The following TMTC2 variants were observed in gnomAD, a reference collection of about 807,000 sequenced individuals.
TMTC2 encodes protein O-mannosyl-transferase TMTC2.
A neutral mutation model predicts 82.4 loss-of-function variants in TMTC2; 43 were observed. The ratio of observed to expected loss-of-function variants is 0.52; its 90% CI spans 0.41 to 0.67. The LOEUF (loss-of-function observed/expected upper bound fraction) is 0.67. Among genes scored for constraint, TMTC2 ranks in the 30% least tolerant of loss-of-function variants. The pLI is 0.00. For synonymous variants in TMTC2, 408 were observed against 381.9 expected (o/e 1.07, Z -0.80); for missense variants, 919 against 1,012.4 (o/e 0.91, Z 1.25).
At chr12:82,997,175 TCCCAC>T (rs1222307524) in intron 8 of TMTC2, among the ~76,000 whole-genome samples, 1 of 114,510 alleles carries the variant, frequency 8.7e-6, no homozygotes, top group Non-Finnish European at 1.7e-5. Context: ...TCTCTCTCTC[TCCCAC>T]CCCTCCCCCT....
intron 11 of TMTC2, among the ~76,000 whole-genome samples, chr12:83,092,990 G>T (rs938050563): frequency 2.0e-5 from 3 of 152,220 alleles, no homozygotes; most frequent in Non-Finnish European, 4.4e-5. Context: ...ATATCACTGT[G>T]TGTCAAAGGG....
chr12:82,937,785 T>TAC (rs1876452005), intron 4 of TMTC2, among the ~76,000 whole-genome samples: 3 of 24,062 alleles, frequency 1.2e-4, no homozygotes, highest in Non-Finnish European at 1.8e-4. Context: ...TATATATATA[T>TAC]ATATATATAT....
At chr12:83,055,160 C>T (rs946130566) in intron 10 of TMTC2, among the ~76,000 whole-genome samples, 3 of 152,002 alleles carry the variant, frequency 2.0e-5, no homozygotes, top group Admixed American at 1.3e-4. Context: ...CTAGCTGCTT[C>T]CCATTATGCT....
intron 8 of TMTC2, among the ~76,000 whole-genome samples, chr12:82,999,045 T>C (rs1879799025): frequency 6.6e-6 from 1 of 152,170 alleles, no homozygotes; most frequent in African/African-American, 2.4e-5. Flanking sequence ...ATAGATATAT[T>C]GTTATCAACT....
At chr12:82,835,706 T>A (rs1869996594) in intron 1 of TMTC2, among the ~76,000 whole-genome samples, 1 of 152,192 alleles carries the variant, frequency 6.6e-6, no homozygotes, top group African/African-American at 2.4e-5. Flanking sequence ...AAATTATCGG[T>A]CACTTGTTGG....
At chr12:83,069,103 G>A (rs1200535794) in intron 11 of TMTC2, among the ~76,000 whole-genome samples, 1 of 152,014 alleles carries the variant, frequency 6.6e-6, no homozygotes, top group African/African-American at 2.4e-5. Context: ...TTATCCACTC[G>A]TTGATTGATG....
intron 11 of TMTC2, among the ~76,000 whole-genome samples, chr12:83,082,502 A>T (rs555046175): frequency 1.3e-5 from 2 of 152,352 alleles, no homozygotes; most frequent in South Asian, 4.1e-4. Flanking sequence ...AGAGAGTTAT[A>T]CTATCCTTGA....
chr12:82,805,483 C>T (rs1360921058), intron 1 of TMTC2, among the ~76,000 whole-genome samples: 2 of 142,664 alleles, frequency 1.4e-5, no homozygotes, highest in Admixed American at 1.4e-4. Context: ...AGTAAGTTTA[C>T]TCTCCTCTCC....
intron 3 of TMTC2, among the ~76,000 whole-genome samples, chr12:82,928,260 G>T (rs1875834320): frequency 6.6e-6 from 1 of 151,950 alleles, no homozygotes; most frequent in African/African-American, 2.4e-5. Context: ...ATTTCTCAGA[G>T]AGATTCCAAT....
At chr12:82,732,344 T>C (rs80148108) in intron 1 of TMTC2, among the ~76,000 whole-genome samples, 4,011 of 152,098 alleles carry the variant, frequency 0.026, 81 homozygotes, top group Non-Finnish European at 0.036. Flanking sequence ...TTGGTTCTCA[T>C]CATGTTTTTT....
intron 1 of TMTC2, among the ~76,000 whole-genome samples, chr12:82,798,338 G>C (rs1429525269): frequency 6.6e-6 from 1 of 150,562 alleles, no homozygotes; most frequent in Admixed American, 6.6e-5. Context: ...TTGGGAGGCC[G>C]AGGCCGGTGG....
chr12:83,047,484 T>A (rs182710180), intron 9 of TMTC2, among the ~76,000 whole-genome samples: 2 of 152,354 alleles, frequency 1.3e-5, no homozygotes, highest in African/African-American at 4.8e-5. Context: ...TCAAATTCAG[T>A]TTAAAAAATA....
chr12:82,716,508 C>T (rs1475369717), intron 1 of TMTC2, among the ~76,000 whole-genome samples: 3 of 151,968 alleles, frequency 2.0e-5, no homozygotes, highest in Non-Finnish European at 2.9e-5. Context: ...GGACTACAGG[C>T]GCGCGCCACC....
At chr12:82,876,174 G>GGTGATTAGTATTCAT (rs1872565978) in intron 2 of TMTC2, among the ~76,000 whole-genome samples, 1 of 144,554 alleles carries the variant, frequency 6.9e-6, no homozygotes, top group African/African-American at 2.8e-5. Context: ...TAGTGTTGTT[G>GGTGATTAGTATTCAT]ATCGGGTGGT....
At position 82,726,105 on chromosome 12, in the gene TMTC2, T is replaced by C. The variant is rs1284032114; in HGVS notation, c.83+38436T>C. Reference sequence around the variant, plus strand: ...TAAGGCAAAGAAACATGTTTTGGGGTAAAATATTTTGATTTTTTCTTTGTC... The same window carrying C: ...TAAGGCAAAGAAACATGTTTTGGGGCAAAATATTTTGATTTTTTCTTTGTC... On this transcript the variant is annotated intron_variant, in intron 1 of 11. Transcript: ENST00000321196. 5.9e-5 allele frequency among the ~76,000 whole-genome samples: 9 copies of C among 152,142 alleles called. No homozygotes were observed. The East Asian group carries it at 1.5e-3, about 26-fold the overall frequency.
chr12:82,903,420 T>C (rs1874125994), intron 3 of TMTC2, among the ~76,000 whole-genome samples: 1 of 152,144 alleles, frequency 6.6e-6, no homozygotes, highest in South Asian at 2.1e-4. Context: ...TGTTTTTGTT[T>C]TGTTTTTTTG....
chr12:82,864,899 C>A (rs1871758704), intron 2 of TMTC2, among the ~76,000 whole-genome samples: 1 of 151,314 alleles, frequency 6.6e-6, no homozygotes, highest in Admixed American at 6.6e-5. Context: ...CTACAGTCCT[C>A]ATAAGAAAAA....
chr12:82,866,042 G>A (rs1170096831), intron 2 of TMTC2, among the ~76,000 whole-genome samples: 1 of 152,070 alleles, frequency 6.6e-6, no homozygotes, highest in African/African-American at 2.4e-5. Flanking sequence ...AGCACGAAAT[G>A]CCCTCAAGAG....
intron 4 of TMTC2, among the ~76,000 whole-genome samples, chr12:82,953,485 G>A (rs1193471647): frequency 2.0e-5 from 3 of 152,160 alleles, no homozygotes; most frequent in African/African-American, 7.2e-5. Context: ...AGATTTGGGA[G>A]CATTTGTGTT....
Sources: allele counts gnomAD v4.1 joint callset (sites outside exome capture counted in the v4.1 genomes callset), GRCh38; gene constraint gnomAD v4.1.1; transcripts MANE v1.5; gene names NCBI Gene and HGNC (gene_info 2026-07-23, HGNC 2026-07-21).